Variants in GRIA3 observed in about 807,000 individuals in gnomAD.
GRIA3 encodes the protein glutamate ionotropic receptor AMPA type subunit 3.
Under a neutral mutation model 63.0 loss-of-function variants are expected in GRIA3, and 3 were observed. The ratio of observed to expected loss-of-function variants is 0.05; its 90% CI spans 0.02 to 0.12. The LOEUF is 0.12. Among genes scored for constraint, GRIA3 ranks in the 10% least tolerant of loss-of-function variants. The pLI, the probability that GRIA3 is intolerant of heterozygous loss-of-function variation, is 1.00. For synonymous variants in GRIA3, 274 were observed against 257.9 expected (o/e 1.06, Z -0.60); for missense variants, 347 against 700.9 (o/e 0.50, Z 5.70).
chrX:123,463,580 G>GGA (rs1569440736), intron 12 of GRIA3, among the ~76,000 whole-genome samples: 3 of 24,758 alleles, frequency 1.2e-4, no homozygotes, highest in African/African-American at 6.4e-4. Context: ...GGAAGGAAGG[G>GGA]AGGGAGGGAG....
chrX:123,244,015 T>C (rs1042531055), intron 2 of GRIA3, among the ~76,000 whole-genome samples: 6 of 112,892 alleles, frequency 5.3e-5, no homozygotes, highest in African/African-American at 1.9e-4. Context: ...TGTTCATATA[T>C]TAATGCCTGC....
At chrX:123,273,849 C>T (rs5956530) in intron 3 of GRIA3, among the ~76,000 whole-genome samples, 40,998 of 111,285 alleles carry the variant, frequency 0.37, 6,519 homozygotes, top group African/African-American at 0.62. Context: ...TGAACTCACC[C>T]ATAGAGCTAA....
At chrX:123,477,537 T>A (rs2045892613) in intron 13 of GRIA3, among the ~76,000 whole-genome samples, 1 of 111,389 alleles carries the variant, frequency 9.0e-6, no homozygotes, top group South Asian at 3.8e-4. Flanking sequence ...TCCAGGAAAC[T>A]CCACTGTATA....
At chrX:123,426,025 G>C (rs201211036) in intron 11 of GRIA3, among the ~76,000 whole-genome samples, 1 of 110,819 alleles carries the variant, frequency 9.0e-6, no homozygotes, top group East Asian at 2.8e-4. Context: ...AGAAGAGCTT[G>C]ATTTGCCGGC....
At chrX:123,454,346 T>C (rs1012114231) in intron 12 of GRIA3, among the ~76,000 whole-genome samples, 2 of 111,677 alleles carry the variant, frequency 1.8e-5, no homozygotes, top group Non-Finnish European at 3.8e-5. Flanking sequence ...TATATAATAG[T>C]ATAATCTATT....
rs954478189 is a variant in GRIA3, at chrX:123,305,566, G to C, written c.509-20460G>C. On this transcript the variant is annotated intron_variant, in intron 3 of 15. Transcript: ENST00000620443. ...ATTCGTTACCTATAATGCCAATACT[G>C]CTTTCGAGTTTGGCCATTAGCATTT... is the stretch of plus-strand genomic sequence containing the variant. Among the ~76,000 whole-genome samples, 4 of 111,915 alleles carry C rather than the reference G, an allele frequency of 3.6e-5. No homozygotes were observed. The Admixed American group carries it at 3.8e-4, about 11-fold the overall frequency.
At chrX:123,194,081 C>T (rs770507521) in intron 2 of GRIA3, among the ~76,000 whole-genome samples, 6 of 111,113 alleles carry the variant, frequency 5.4e-5, no homozygotes, top group Non-Finnish European at 1.1e-4. Flanking sequence ...ATTTTAGCTG[C>T]CTTTGACCGA....
At chrX:123,271,216 T>A (rs5911570) in intron 3 of GRIA3, among the ~76,000 whole-genome samples, 43,331 of 110,694 alleles carry the variant, frequency 0.39, 7,753 homozygotes, top group African/African-American at 0.7. Context: ...CTAATATGAA[T>A]CTGAAAGTTC....
chrX:123,251,539 G>A (rs974521289), intron 2 of GRIA3, among the ~76,000 whole-genome samples: 3 of 111,063 alleles, frequency 2.7e-5, no homozygotes, highest in Non-Finnish European at 5.7e-5. Flanking sequence ...GGGTTCAAGC[G>A]ATTCTCCTGC....
chrX:123,447,101 G>A (rs1365107381), intron 12 of GRIA3, among the ~76,000 whole-genome samples: 2 of 111,468 alleles, frequency 1.8e-5, no homozygotes, highest in Non-Finnish European at 3.8e-5. Flanking sequence ...ATGAGATTTG[G>A]GCCGGATGCA....
chrX:123,213,810 A>G (rs921546196), intron 2 of GRIA3, among the ~76,000 whole-genome samples: 1 of 111,969 alleles, frequency 8.9e-6, no homozygotes, highest in South Asian at 3.8e-4. Flanking sequence ...AAGGGAAAAA[A>G]TAGACACAAA....
At chrX:123,480,820 C>A (rs748425614) in intron 14 of GRIA3, among the ~76,000 whole-genome samples, 14 of 111,641 alleles carry the variant, frequency 1.3e-4, no homozygotes, top group Non-Finnish European at 2.4e-4. Context: ...AAAATTTAGT[C>A]GCATGCTCCT....
intron 10 of GRIA3, among the ~76,000 whole-genome samples, chrX:123,407,254 G>A (rs143563455): frequency 1.3e-4 from 15 of 111,226 alleles, no homozygotes; most frequent in South Asian, 7.7e-4. Context: ...CTCACAACAC[G>A]CCTCTGGGGA....
At chrX:123,214,928 G>A (rs950513694) in intron 2 of GRIA3, among the ~76,000 whole-genome samples, 1 of 111,798 alleles carries the variant, frequency 8.9e-6, no homozygotes, top group Non-Finnish European at 1.9e-5. Context: ...GGGGCTTCAG[G>A]AATCTGCATT....
At chrX:123,397,414 G>C (rs1355900907) in intron 6 of GRIA3, among the ~76,000 whole-genome samples, 1 of 111,936 alleles carries the variant, frequency 8.9e-6, no homozygotes, top group African/African-American at 3.2e-5. Context: ...TCACCCATTG[G>C]TAAGTAGAAA....
chrX:123,417,044 C>T (rs1346965861), intron 10 of GRIA3, among the ~76,000 whole-genome samples: 2 of 111,733 alleles, frequency 1.8e-5, no homozygotes, highest in African/African-American at 3.3e-5. Flanking sequence ...GACATAAGAA[C>T]ACGAAAATTA....
At chrX:123,435,939 A>G (rs1329141662) in intron 12 of GRIA3, among the ~76,000 whole-genome samples, 2 of 111,926 alleles carry the variant, frequency 1.8e-5, no homozygotes, top group Non-Finnish European at 3.8e-5. Context: ...TGAGAGGCTA[A>G]TATCACAAAA....
At chrX:123,458,425 C>T (rs1257462023) in intron 12 of GRIA3, among the ~76,000 whole-genome samples, 1 of 110,270 alleles carries the variant, frequency 9.1e-6, no homozygotes, top group Non-Finnish European at 1.9e-5. Flanking sequence ...ATCAGCCAAA[C>T]CAAAGGAACT....
chrX:123,227,991 G>A (rs191584577), intron 2 of GRIA3, among the ~76,000 whole-genome samples: 16 of 112,176 alleles, frequency 1.4e-4, no homozygotes, highest in Admixed American at 2.8e-4. Context: ...TTAAGCCTTC[G>A]CTTCCATTTT....
Sources: gnomAD v4.1 joint callset for allele counts (sites outside exome capture counted in the v4.1 genomes callset) on GRCh38, gnomAD v4.1.1 for gene constraint, MANE v1.5 for transcripts, NCBI Gene and HGNC (gene_info 2026-07-23, HGNC 2026-07-21) for gene names.